Variants in KMT2C observed in about 807,000 individuals in gnomAD.
The protein encoded by KMT2C is lysine methyltransferase 2C.
Under a neutral mutation model 507.9 loss-of-function variants are expected in KMT2C, and 88 were observed. That is an observed-to-expected ratio of 0.17 (90% CI 0.15 to 0.21). KMT2C has a LOEUF of 0.21. Ranked by LOEUF, KMT2C falls within the 10% of genes least tolerant of loss-of-function variation. The pLI is 1.00. For missense variants in KMT2C, 4,954 were observed against 5,957.8 expected, an observed-to-expected ratio of 0.83 and a Z score of 5.55; for synonymous variants, 2,049 against 2,080.8, an observed-to-expected ratio of 0.98 and a Z score of 0.42.
intron 26 of KMT2C, among the ~76,000 whole-genome samples, chr7:152,202,010 T>C (rs774171974): frequency 1.3e-5 from 2 of 152,238 alleles, no homozygotes; most frequent in Non-Finnish European, 2.9e-5. Flanking sequence ...GGAAGTTGTA[T>C]GCTAGTTGAA....
At chr7:152,262,533 T>C (rs970003532) in intron 9 of KMT2C, among the ~76,000 whole-genome samples, 1 of 152,152 alleles carries the variant, frequency 6.6e-6, no homozygotes, top group African/African-American at 2.4e-5. Flanking sequence ...TTGTAATAGC[T>C]CAAAATTTTG....
chr7:152,374,327 A>G (rs75560331), intron 1 of KMT2C, among the ~76,000 whole-genome samples: 1 of 122,966 alleles, frequency 8.1e-6, no homozygotes, highest in South Asian at 2.5e-4. Context: ...AAAAATAGTA[A>G]TAATAATAAT....
intron 1 of KMT2C, among the ~76,000 whole-genome samples, chr7:152,408,241 T>C (rs141338242): frequency 6.6e-6 from 1 of 151,406 alleles, no homozygotes; most frequent in African/African-American, 2.4e-5. Flanking sequence ...TGAGCCAAAA[T>C]CGTGCCACTG....
intron 1 of KMT2C, among the ~76,000 whole-genome samples, chr7:152,418,290 A>T (rs973548344): frequency 6.6e-6 from 1 of 152,176 alleles, no homozygotes; most frequent in African/African-American, 2.4e-5. Context: ...TCTGTCCTAT[A>T]AAAATAACCA....
Position 152,136,746 on chromosome 7 carries a change from CTCTT to C in KMT2C, c.*82_*85del, listed in dbSNP as rs1323719317. ...AAGTCATAAAACAGAAAACAAAAAT[CTCTT>C]TCTGTCTGCAAAATTCCAATGGTGT... is the stretch of plus-strand genomic sequence containing the variant. On this transcript the variant is annotated 3_prime_UTR_variant, in exon 59 of 59. Transcript: ENST00000262189. The C allele has an allele frequency of 1.5e-5, 14 of 951,152 alleles. No individual in the cohort carries two copies. The highest frequency in any genetic ancestry group is 2.2e-5 in the Non-Finnish European group (13 of 590,042). The allele number at this position is 951,152 out of a possible 1,614,324, so 58.9% of individuals were successfully genotyped here. A position where few individuals can be genotyped will look rare whatever the true frequency, so the allele number is the denominator to read the frequency against.
chr7:152,401,211 C>T (rs112234484), intron 1 of KMT2C, among the ~76,000 whole-genome samples: 1 of 151,908 alleles, frequency 6.6e-6, no homozygotes, highest in Non-Finnish European at 1.5e-5. Flanking sequence ...CTCAGCCTCC[C>T]AAGTAGCCGG....
chr7:152,401,358 G>C (rs892143288), intron 1 of KMT2C, among the ~76,000 whole-genome samples: 1 of 151,876 alleles, frequency 6.6e-6, no homozygotes, highest in Non-Finnish European at 1.5e-5. Flanking sequence ...GGGATTACAG[G>C]TGTGAGCCAC....
At chr7:152,172,568 T>C (rs1158497123) in intron 39 of KMT2C, among the ~76,000 whole-genome samples, 1 of 152,130 alleles carries the variant, frequency 6.6e-6, no homozygotes, top group African/African-American at 2.4e-5. Context: ...TGGTGGCACG[T>C]GCCTGTGATC....
chr7:152,258,629 A>G (rs1158413653), intron 9 of KMT2C, among the ~76,000 whole-genome samples: 1 of 152,002 alleles, frequency 6.6e-6, no homozygotes, highest in Non-Finnish European at 1.5e-5. Flanking sequence ...GGTTCAAGCA[A>G]TTCTCCTGTC....
chr7:152,330,136 C>T (rs1454965825), intron 3 of KMT2C, among the ~76,000 whole-genome samples: 2 of 105,088 alleles, frequency 1.9e-5, no homozygotes, highest in African/African-American at 4.0e-5. Context: ...GAGCAAGACG[C>T]CATCTCAAAA....
At chr7:152,204,483 C>T (rs1037989306) in intron 25 of KMT2C, among the ~76,000 whole-genome samples, 4 of 151,916 alleles carry the variant, frequency 2.6e-5, no homozygotes, top group Non-Finnish European at 5.9e-5. Flanking sequence ...TGGTCTCCAG[C>T]TACATCAGAG....
chr7:152,340,865 T>C (rs924784760), intron 2 of KMT2C, among the ~76,000 whole-genome samples: 3 of 152,174 alleles, frequency 2.0e-5, no homozygotes, highest in African/African-American at 7.2e-5. Context: ...TTAATTTAAA[T>C]AGTAATTGTT....
chr7:152,280,401 A>AC (rs2096185244), intron 6 of KMT2C, among the ~76,000 whole-genome samples: 2 of 152,184 alleles, frequency 1.3e-5, no homozygotes, highest in Non-Finnish European at 2.9e-5. Context: ...AAAAAAAAAA[A>AC]ATTAGCCGGC....
chr7:152,155,983 C>T lies in KMT2C; in HGVS notation c.11887G>A (p.Ala3963Thr), dbSNP rs557287551. 11 of 1,610,786 alleles carry T rather than the reference C, an allele frequency of 6.8e-6. No homozygotes were observed. Among genetic ancestry groups the T allele is most frequent in the African/African-American group, 5.4e-5 (4 of 74,712 alleles). ...PQDDLLARAL[A>T]QGPKTVDVPA... Reference sequence around the variant, plus strand: ...ACATCAACTGTCTTGGGGCCCTGAGCAAGAGCTCGGGCCAACAAGTCGTCC... The same window carrying T: ...ACATCAACTGTCTTGGGGCCCTGAGTAAGAGCTCGGGCCAACAAGTCGTCC... The change falls in exon 46 of 59, where the codon GCT becomes ACT. Residue 3963 changes from alanine (A) to threonine (T), a missense_variant. Ala to Thr is a moderately conservative substitution (Grantham distance 58). Coordinates refer to ENST00000262189, the MANE Select transcript of KMT2C (RefSeq NM_170606.3).
rs746018833 is a variant in KMT2C, at chr7:152,178,015, TAAAAAAAAAAAAAAA to T, written c.7443-20_7443-6del. 4.2e-5 allele frequency: 34 copies of T among 811,038 alleles called. 3 individuals are homozygous for T. The highest frequency in any genetic ancestry group is 3.6e-4 in the South Asian group (7 of 19,198). The allele number at this position is 811,038 out of a possible 1,614,324, so 50.2% of individuals were successfully genotyped here. ...CTACCTCCTGGAAATCCAAATCTTT[TAAAAAAAAAAAAAAA>T]AAAAAAAAAAAAGCAAATAGGTATT... On this transcript the variant is annotated splice_polypyrimidine_tract_variant and splice_region_variant and intron_variant, in intron 37 of 58. Transcript: ENST00000262189.
At chr7:152,408,816 A>T (rs911556282) in intron 1 of KMT2C, among the ~76,000 whole-genome samples, 30 of 125,852 alleles carry the variant, frequency 2.4e-4, no homozygotes, top group African/African-American at 3.8e-4. Context: ...GGTTTTGTTA[A>T]AAAAAAAAAA....
rs2129200487 is a variant in KMT2C at position 152,311,858 on chromosome 7, C to G, written c.679G>C (p.Glu227Gln). ...SDDQAGKLWDELSLVGLPDAI... is the reference protein window; with the variant it reads ...SDDQAGKLWDQLSLVGLPDAI... ...TCTGGAAGCCCAACCAGACTGAGTT[C>G]ATCCCACAGTTTACCAGCTTGATCA... Residue 227 changes from glutamate to glutamine, a missense_variant, in exon 5 of 59, where the codon GAA (glutamate) becomes CAA (glutamine). Coordinates refer to ENST00000262189, the MANE Select transcript of KMT2C (RefSeq NM_170606.3). 6.2e-7 allele frequency: 1 copy of G among 1,612,102 alleles called. No individual in the cohort carries two copies. The highest frequency in any genetic ancestry group is 8.5e-7 in the Non-Finnish European group (1 of 1,178,460).
chr7:152,411,458 C>G (rs1045108849), intron 1 of KMT2C, among the ~76,000 whole-genome samples: 3 of 151,456 alleles, frequency 2.0e-5, no homozygotes, highest in South Asian at 4.2e-4. Context: ...CCCCCCACCC[C>G]CTCAACACAC....
chr7:152,256,879 G>C (rs1331638348), intron 9 of KMT2C, among the ~76,000 whole-genome samples: 6 of 152,158 alleles, frequency 3.9e-5, no homozygotes, highest in Non-Finnish European at 8.8e-5. Flanking sequence ...AAAGACGTAA[G>C]AAAAGTTCTC....
Sources: allele counts gnomAD v4.1 joint callset (sites outside exome capture counted in the v4.1 genomes callset), GRCh38; gene constraint gnomAD v4.1.1; transcripts MANE v1.5; gene names NCBI Gene and HGNC (gene_info 2026-07-23, HGNC 2026-07-21).